ZNF277: variants seen among roughly 807,000 people sequenced by gnomAD.
ZNF277 encodes the protein zinc finger protein 277.
ZNF277 carries 55 observed loss-of-function variants against 60.7 expected under a neutral mutation model. The observed-to-expected ratio is 0.91, with a 90% CI of 0.73 to 1.13. The LOEUF is 1.13. Ranked by LOEUF, ZNF277 falls within the 50% of genes most tolerant of loss-of-function variation. The pLI, the probability that ZNF277 is intolerant of heterozygous loss-of-function variation, is 0.00. For missense variants in ZNF277, 510 were observed against 523.0 expected (o/e 0.98, Z 0.24); for synonymous variants, 178 against 179.3 (o/e 0.99, Z 0.06).
At chr7:112,295,726 C>CA (rs1445937654) in intron 2 of ZNF277, 143 bp from the exon 3 acceptor site, 8 of 598,214 alleles carry the variant, frequency 1.3e-5, no homozygotes, top group East Asian at 5.6e-5. Flanking sequence ...TTTGTATTCA[C>CA]AAAAAACTGC....
intron 9 of ZNF277, among the ~76,000 whole-genome samples, chr7:112,338,865 A>G (rs2117144066): frequency 6.6e-6 from 1 of 152,324 alleles, no homozygotes; most frequent in South Asian, 2.1e-4. Context: ...ACTTTCAGTG[A>G]TAACATCACG....
At chr7:112,327,127 G>T (rs754340973) in intron 5 of ZNF277, among the ~76,000 whole-genome samples, 2 of 152,052 alleles carry the variant, frequency 1.3e-5, no homozygotes, top group Non-Finnish European at 2.9e-5. Flanking sequence ...CCTCTTACTC[G>T]TCTCCATGAT....
intron 1 of ZNF277, among the ~76,000 whole-genome samples, chr7:112,212,098 T>C (rs1175251188): frequency 6.6e-6 from 1 of 152,240 alleles, no homozygotes; most frequent in East Asian, 1.9e-4. Context: ...AAGGTGATCA[T>C]AGTTAGCATT....
Position 112,206,758 on chromosome 7 carries a change from G to C in ZNF277, c.42G>C (p.Gln14His). The C allele has an allele frequency of 6.2e-7, 1 of 1,613,170 alleles. No individual in the cohort carries two copies. The highest frequency in any genetic ancestry group is 1.1e-5 in the South Asian group (1 of 91,038). Residue 14 changes from glutamine (Q) to histidine (H), a missense_variant, in exon 1 of 12, where the codon CAG (glutamine) becomes CAC (histidine). Coordinates refer to ENST00000361822, the MANE Select transcript of ZNF277 (RefSeq NM_021994.3). ...SKTQGAVARM[Q>H]EDRDGSCSTV... ...CCCAGGGGGCTGTCGCCCGAATGCA[G>C]GAAGACCGTGATGGGAGCTGCAGCA... is the stretch of plus-strand genomic sequence containing the variant.
At chr7:112,341,765 T>TGG (rs938197699) in intron 11 of ZNF277, among the ~76,000 whole-genome samples, 6 of 152,178 alleles carry the variant, frequency 3.9e-5, no homozygotes, top group African/African-American at 1.4e-4. Context: ...TGAGAGACTG[T>TGG]GGGGTTCTAG....
intron 9 of ZNF277, among the ~76,000 whole-genome samples, chr7:112,338,671 A>G (rs985093924): frequency 2.0e-5 from 3 of 151,982 alleles, no homozygotes; most frequent in African/African-American, 7.3e-5. Flanking sequence ...GACCATAAAC[A>G]TTTTCCTTGA....
At chr7:112,305,384 T>C (rs1792566151) in intron 4 of ZNF277, among the ~76,000 whole-genome samples, 1 of 151,902 alleles carries the variant, frequency 6.6e-6, no homozygotes, top group Admixed American at 6.6e-5. Flanking sequence ...GCTGAAATGA[T>C]TTAGGAAAAA....
intron 5 of ZNF277, 104 bp from the exon 6 acceptor site, chr7:112,327,613 G>A: frequency 1.3e-6 from 1 of 777,040 alleles, no homozygotes. Context: ...CTTAGCACTT[G>A]CTTATACCTC....
chr7:112,336,216 TAAG>T (rs1216129045), intron 8 of ZNF277, 45 bp downstream of exon 8: 5 of 1,534,916 alleles, frequency 3.3e-6, no homozygotes. Flanking sequence ...GTTCCAAGAG[TAAG>T]AAGACAATGC....
intron 1 of ZNF277, among the ~76,000 whole-genome samples, chr7:112,225,329 T>C (rs1822148144): frequency 6.6e-6 from 1 of 152,222 alleles, no homozygotes; most frequent in Non-Finnish European, 1.5e-5. Context: ...ACTGAACTTC[T>C]AACCTTGAGC....
intron 10 of ZNF277, 37 bp downstream of exon 10, chr7:112,339,922 C>T (rs1319025167): frequency 1.9e-6 from 3 of 1,593,684 alleles, no homozygotes; most frequent in Non-Finnish European, 2.6e-6. Context: ...TGTGATGCTT[C>T]ATTTTTTATA....
intron 4 of ZNF277, among the ~76,000 whole-genome samples, chr7:112,307,977 A>G (rs1169949894): frequency 6.6e-6 from 1 of 151,972 alleles, no homozygotes; most frequent in East Asian, 1.9e-4. Flanking sequence ...TAGTTGTCAT[A>G]AATTCTAAAA....
chr7:112,212,341 A>G (rs941570485), intron 1 of ZNF277, among the ~76,000 whole-genome samples: 6 of 152,310 alleles, frequency 3.9e-5, no homozygotes, highest in African/African-American at 1.4e-4. Context: ...TATATTTGAC[A>G]TGGCAATGGA....
intron 1 of ZNF277, among the ~76,000 whole-genome samples, chr7:112,275,581 T>C (rs1791772799): frequency 6.6e-6 from 1 of 152,200 alleles, no homozygotes; most frequent in South Asian, 2.1e-4. Flanking sequence ...AAATCTTGTC[T>C]GATTTAAATC....
At chr7:112,232,228 A>G (rs1032987701) in intron 1 of ZNF277, among the ~76,000 whole-genome samples, 2 of 152,056 alleles carry the variant, frequency 1.3e-5, no homozygotes, top group Admixed American at 6.5e-5. Flanking sequence ...TTAGAGTTTC[A>G]GGGGAAGACA....
intron 4 of ZNF277, among the ~76,000 whole-genome samples, chr7:112,298,939 A>G (rs1012700789): frequency 2.0e-5 from 3 of 152,080 alleles, no homozygotes; most frequent in African/African-American, 4.8e-5. Flanking sequence ...TGGTACTACT[A>G]TTCTAGGCTC....
chr7:112,208,399 T>A (rs970557580), intron 1 of ZNF277, among the ~76,000 whole-genome samples: 1 of 151,932 alleles, frequency 6.6e-6, no homozygotes, highest in Non-Finnish European at 1.5e-5. Context: ...AAAAAGGATA[T>A]GCCTTTCAAA....
intron 5 of ZNF277, among the ~76,000 whole-genome samples, chr7:112,326,158 A>G (rs1436414842): frequency 4.6e-5 from 7 of 151,902 alleles, no homozygotes; most frequent in African/African-American, 1.7e-4. Context: ...AAACCTCCCA[A>G]CCCACCCATA....
intron 1 of ZNF277, among the ~76,000 whole-genome samples, chr7:112,266,574 G>A (rs1791556803): frequency 6.6e-6 from 1 of 151,928 alleles, no homozygotes; most frequent in South Asian, 2.1e-4. Flanking sequence ...TTGACAGCGG[G>A]GTAAGAGCTG....
Sources: allele counts gnomAD v4.1 joint callset (sites outside exome capture counted in the v4.1 genomes callset), GRCh38; gene constraint gnomAD v4.1.1; transcripts MANE v1.5; gene names NCBI Gene and HGNC (gene_info 2026-07-23, HGNC 2026-07-21).